Variants in DLL1 observed in about 807,000 individuals in gnomAD.
The protein encoded by DLL1 is delta-like protein 1.
DLL1 carries 9 observed loss-of-function variants against 75.1 expected under a neutral mutation model. That is an observed-to-expected ratio of 0.12 (90% CI 0.07 to 0.21). DLL1 has a LOEUF of 0.21. Among genes scored for constraint, DLL1 ranks in the 10% least tolerant of loss-of-function variants. DLL1 has a pLI of 1.00. For missense variants in DLL1, 837 were observed against 1,007.6 expected, an observed-to-expected ratio of 0.83 and a Z score of 2.29; for synonymous variants, 477 against 418.3, an observed-to-expected ratio of 1.14 and a Z score of -1.71.
Position 170,282,781 on chromosome 6 carries a change from C to T in DLL1, c.*93G>A, listed in dbSNP as rs1783587681. 1.9e-6 allele frequency: 3 copies of T among 1,601,914 alleles called. No individual in the cohort carries two copies. Among genetic ancestry groups the T allele is most frequent in the East Asian group, 2.2e-5 (1 of 44,842 alleles). On this transcript the variant is annotated 3_prime_UTR_variant, in exon 11 of 11. Transcript: ENST00000366756. ...GTTTCTCAGCAGCAGTCCACGAGGC[C>T]TCCCTCCTCTTCAGCAGCATTCGTT...
chr6:170,290,300 T>C lies in DLL1; in HGVS notation c.-161A>G. On this transcript the variant is annotated 5_prime_UTR_variant, in exon 1 of 11. Coordinates refer to ENST00000366756, the MANE Select transcript of DLL1 (RefSeq NM_005618.4). This position sits in a 1 kb window ranked among gnomAD's most constrained non-coding sequence, Gnocchi z 4.7. The stretch of plus-strand genomic sequence containing the variant: ...CAGGACTTCTTTCTTTAAAAGCCGG[T>C]CTCCGCCTCTTCCCAAGGCCGCGGT... 1.4e-6 allele frequency: 1 copy of C among 699,580 alleles called. No individual in the cohort carries two copies. Among genetic ancestry groups the C allele is most frequent in the Non-Finnish European group, 2.1e-6 (1 of 471,668 alleles). The allele number at this position is 699,580 out of a possible 1,614,324, so 43.3% of individuals were successfully genotyped here.
At position 170,291,000 on chromosome 6, in the gene DLL1, G is replaced by GC; in HGVS notation, c.-862dup. The GC allele has an allele frequency of 7.1e-6, 5 of 701,870 alleles. No individual in the cohort carries two copies. Among genetic ancestry groups the GC allele is most frequent in the Admixed American group, 2.0e-5 (1 of 49,992 alleles). The allele number at this position is 701,870 out of a possible 1,614,324, so 43.5% of individuals were successfully genotyped here. A position where few individuals can be genotyped will look rare whatever the true frequency, so the allele number is the denominator to read the frequency against. ...ATGGCTAATGAGATGCAAATCAGCA[G>GC]CCCCCCAATCTGGCGAGAGCTGTCA... On this transcript the variant is annotated 5_prime_UTR_variant, in exon 1 of 11. Transcript: ENST00000366756. This position sits in a 1 kb window ranked among gnomAD's most constrained non-coding sequence, Gnocchi z 4.7.
At chr6:170,288,019 T>C in intron 4 of DLL1, 1 of 678,742 alleles carries the variant, frequency 1.5e-6, no homozygotes, top group Non-Finnish European at 2.5e-6. Flanking sequence ...GTTCCGATAG[T>C]GGATAAACAC....
At position 170,285,833 on chromosome 6, in the gene DLL1, C is replaced by T. The variant is rs543775212; in HGVS notation, c.732-134G>A. Reference sequence around the variant, plus strand: ...TCCAGATTAGCAGAACACTGGGTCACCTTGGGAGCTGCAGCCTGGGCCTGG... The same window carrying T: ...TCCAGATTAGCAGAACACTGGGTCATCTTGGGAGCTGCAGCCTGGGCCTGG... On this transcript the variant is annotated intron_variant, in intron 5 of 10. Coordinates refer to ENST00000366756, the MANE Select transcript of DLL1 (RefSeq NM_005618.4). The T allele has an allele frequency of 3.7e-4, 491 of 1,335,186 alleles. 5 individuals are homozygous for T. The South Asian group carries it at 5.1e-3, about 14-fold the overall frequency. The allele number at this position is 1,335,186 out of a possible 1,614,324, so 82.7% of individuals were successfully genotyped here.
Position 170,282,937 on chromosome 6 carries a change from T to G in DLL1, c.2166+51A>C, listed in dbSNP as rs756631736. 1.3e-5 allele frequency: 21 copies of G among 1,612,312 alleles called. No individual in the cohort carries two copies. The South Asian group carries it at 2.3e-4, about 18-fold the overall frequency. The stretch of plus-strand genomic sequence containing the variant: ...CTGAGACCGATTCCCGTGCTCCAGC[T>G]TCAGGTGCTCCCATGCCGAGGAGGA... On this transcript the variant is annotated intron_variant, in intron 10 of 10. Transcript: ENST00000366756.
chr6:170,290,271 G>C lies in DLL1; in HGVS notation c.-132C>G, dbSNP rs1192124777. ...GCCCTTGCCTCGCCCCAGACCGCAG[G>C]ACCCAGGACTTCTTTCTTTAAAAGC... is the stretch of plus-strand genomic sequence containing the variant. On this transcript the variant is annotated 5_prime_UTR_variant, in exon 1 of 11. Coordinates refer to ENST00000366756, the MANE Select transcript of DLL1 (RefSeq NM_005618.4). The surrounding 1 kb of genome is among the most constrained non-coding windows in gnomAD (Gnocchi z 4.7). 1.8e-5 allele frequency: 17 copies of C among 969,620 alleles called. No homozygotes were observed. Among genetic ancestry groups the C allele is most frequent in the Non-Finnish European group, 2.0e-5 (14 of 691,452 alleles). The allele number at this position is 969,620 out of a possible 1,614,324, so 60.1% of individuals were successfully genotyped here.
rs1334250316 is a variant in DLL1, at chr6:170,289,930, C to T, written c.55-122G>A. Reference sequence around the variant, plus strand: ...TCAGGGGCCGAGCGCGCTCGCTGCACGGCCGGCGCTGGGGTCGTCGCCCCC... The same window carrying T: ...TCAGGGGCCGAGCGCGCTCGCTGCATGGCCGGCGCTGGGGTCGTCGCCCCC... On this transcript the variant is annotated intron_variant, in intron 1 of 10. Coordinates refer to ENST00000366756, the MANE Select transcript of DLL1 (RefSeq NM_005618.4). The T allele has an allele frequency of 5.3e-6, 7 of 1,332,962 alleles. No homozygotes were observed. The African/African-American group carries it at 6.3e-5, about 12-fold the overall frequency. 82.6% of individuals were successfully genotyped at this position (1,332,962 alleles called of 1,614,324 possible).
At position 170,282,885 on chromosome 6, in the gene DLL1, G is replaced by GA. The variant is rs1165343421; in HGVS notation, c.2167-7_2167-6insT. On this transcript the variant is annotated splice_region_variant and splice_polypyrimidine_tract_variant and intron_variant, in intron 10 of 10. Transcript: ENST00000366756. ...ATCTCACTTCCATTTTACACCTGGG[G>GA]GGCCACAAGACAAATGGGAAGTTAG... 1.2e-6 allele frequency: 2 copies of GA among 1,614,034 alleles called. No individual in the cohort carries two copies. Among genetic ancestry groups the GA allele is most frequent in the Non-Finnish European group, 1.7e-6 (2 of 1,180,042 alleles).
Position 170,290,259 on chromosome 6 carries a change from C to A in DLL1, c.-120G>T. 1 of 1,207,612 alleles carries A rather than the reference C, an allele frequency of 8.3e-7. No homozygotes were observed. The highest frequency in any genetic ancestry group is 2.8e-5 in the East Asian group (1 of 35,600). 74.8% of individuals were successfully genotyped at this position (1,207,612 alleles called of 1,614,324 possible). On this transcript the variant is annotated 5_prime_UTR_variant, in exon 1 of 11. Transcript: ENST00000366756. This position sits in a 1 kb window ranked among gnomAD's most constrained non-coding sequence, Gnocchi z 4.7. ...GGGCAGAAAAGCGCCCTTGCCTCGC[C>A]CCAGACCGCAGGACCCAGGACTTCT...
rs369821811 is a variant in DLL1 at position 170,286,194 on chromosome 6, C to G, written c.731+44G>C. On this transcript the variant is annotated intron_variant, in intron 5 of 10. Coordinates refer to ENST00000366756, the MANE Select transcript of DLL1 (RefSeq NM_005618.4). ...AAATACACCAGCTGTGAAAAGATAA[C>G]AAGAAAAGGCAACAAAACAAAACAC... 1.9e-6 allele frequency: 3 copies of G among 1,613,188 alleles called. No homozygotes were observed. In the Admixed American group the frequency reaches 5.0e-5, roughly 27 times the overall value.
rs1583156087 is a variant in DLL1, at chr6:170,288,329, G to A, written c.580C>T (p.Pro194Ser). Residue 194 changes from proline (P) to serine (S), a missense_variant, in exon 4 of 11, where the codon CCC becomes TCC. Pro to Ser is a moderately conservative substitution (Grantham distance 74). Transcript: ENST00000366756. ...AAGTGGCCGAAGGCATCGTCCCGGG[G>A]ACGGCAGAAAACGGAGCAGCCCTCT... ...YGEGCSVFCR[P>S]RDDAFGHFTC... is the part of the protein sequence containing the mutation. The A allele has an allele frequency of 6.2e-7, 1 of 1,614,100 alleles. No individual in the cohort carries two copies. The highest frequency in any genetic ancestry group is 8.5e-7 in the Non-Finnish European group (1 of 1,180,046).
In DLL1 at chr6:170,283,217, C is replaced by T; in HGVS notation, c.2048+14G>A. 6.2e-7 allele frequency: 1 copy of T among 1,612,828 alleles called. No individual in the cohort carries two copies. The highest frequency in any genetic ancestry group is 1.1e-5 in the South Asian group (1 of 91,080). On this transcript the variant is annotated intron_variant, in intron 9 of 10. Coordinates refer to ENST00000366756, the MANE Select transcript of DLL1 (RefSeq NM_005618.4). ...CCAGGTACCCCCTCCTGATGCCCGG[C>T]CCGCAGCACGCACCCCCTGAGTGTG...
Position 170,290,080 on chromosome 6 carries a change from G to C in DLL1, c.54+6C>G. On this transcript the variant is annotated splice_donor_region_variant and intron_variant, in intron 1 of 10. Transcript: ENST00000366756. The surrounding 1 kb of genome is among the most constrained non-coding windows in gnomAD (Gnocchi z 4.7). Reference sequence around the variant, plus strand: ...GGGGCCGCGGCGCCCCCACCTGCCCGCCTACCTGACACAGCAAGGCCGAGA... The same window carrying C: ...GGGGCCGCGGCGCCCCCACCTGCCCCCCTACCTGACACAGCAAGGCCGAGA... 1.3e-6 allele frequency: 2 copies of C among 1,578,848 alleles called. No homozygotes were observed. Among genetic ancestry groups the C allele is most frequent in the Non-Finnish European group, 1.7e-6 (2 of 1,171,370 alleles).
chr6:170,282,932 C>G lies in DLL1; in HGVS notation c.2167-53G>C, dbSNP rs1546951. 9.3e-3 allele frequency: 14,974 copies of G among 1,614,166 alleles called. 1,137 individuals are homozygous for G. The African/African-American group carries it at 0.17, about 18-fold the overall frequency. On this transcript the variant is annotated intron_variant, in intron 10 of 10. Coordinates refer to ENST00000366756, the MANE Select transcript of DLL1 (RefSeq NM_005618.4). ...TTAGCCTGAGACCGATTCCCGTGCTCCAGCTTCAGGTGCTCCCATGCCGAG... is the reference window on the plus strand; with the variant it reads ...TTAGCCTGAGACCGATTCCCGTGCTGCAGCTTCAGGTGCTCCCATGCCGAG...
At chr6:170,288,111 C>T in intron 4 of DLL1, 128 bp downstream of exon 4, 1 of 1,423,846 alleles carries the variant, frequency 7.0e-7, no homozygotes. Flanking sequence ...CTTCTGTCCT[C>T]TGGGCCTCAG....
At chr6:170,284,152 T>G in intron 8 of DLL1, 123 bp from the exon 9 acceptor site, 3 of 1,279,018 alleles carry the variant, frequency 2.3e-6, no homozygotes, top group Non-Finnish European at 3.3e-6. Context: ...GTCTGTGGCC[T>G]GAATGAGTCC....
chr6:170,288,645 C>T, intron 3 of DLL1, 84 bp downstream of exon 3: 1 of 1,609,096 alleles, frequency 6.2e-7, no homozygotes, highest in Non-Finnish European at 8.5e-7. Context: ...TGAAAGCTGT[C>T]CGGGTTTGGC....
Position 170,291,011 on chromosome 6 carries a change from T to C in DLL1, c.-872A>G, listed in dbSNP as rs1340044633. On this transcript the variant is annotated 5_prime_UTR_variant, in exon 1 of 11. Coordinates refer to ENST00000366756, the MANE Select transcript of DLL1 (RefSeq NM_005618.4). ...GATGCAAATCAGCAGCCCCCCAATC[T>C]GGCGAGAGCTGTCACAAAGGAGCCA... 4 of 701,734 alleles carry C rather than the reference T, an allele frequency of 5.7e-6. No homozygotes were observed. The highest frequency in any genetic ancestry group is 1.7e-5 in the African/African-American group (1 of 57,276). The allele number at this position is 701,734 out of a possible 1,614,324, so 43.5% of individuals were successfully genotyped here.
At chr6:170,286,446 C>T (rs1783695609) in intron 4 of DLL1, 148 bp from the exon 5 acceptor site, 7 of 969,506 alleles carry the variant, frequency 7.2e-6, no homozygotes, top group Non-Finnish European at 8.2e-6. Context: ...ACTGACCCCC[C>T]TGCCTAGTAG....
Sources: allele counts gnomAD v4.1 joint callset, GRCh38; gene constraint gnomAD v4.1.1; non-coding constraint Gnocchi (gnomAD v3.1); transcripts MANE v1.5; gene names NCBI Gene and HGNC (gene_info 2026-07-23, HGNC 2026-07-21).